The following SPATA16 variants were observed in gnomAD, a reference collection of about 807,000 sequenced individuals.
SPATA16 encodes the protein spermatogenesis-associated protein 16.
In SPATA16, 36 loss-of-function variants were observed where a neutral mutation model predicts 63.3. That is an observed-to-expected ratio of 0.57 (90% CI 0.44 to 0.75). The LOEUF is 0.75. SPATA16 is among the 30% of genes least tolerant of loss of function. The pLI, the probability that SPATA16 is intolerant of heterozygous loss-of-function variation, is 0.00. For missense variants in SPATA16, 646 were observed against 679.3 expected (o/e 0.95, Z 0.54); for synonymous variants, 203 against 216.7 (o/e 0.94, Z 0.56).
intron 6 of SPATA16, among the ~76,000 whole-genome samples, chr3:172,944,147 C>T (rs9290457): frequency 0.43 from 65,682 of 151,864 alleles, 16,625 homozygotes; most frequent in African/African-American, 0.71. Flanking sequence ...CATAAAGAAC[C>T]CCTACAATTC....
intron 2 of SPATA16, among the ~76,000 whole-genome samples, chr3:173,096,686 A>G (rs528002054): frequency 6.6e-6 from 1 of 152,136 alleles, no homozygotes; most frequent in Non-Finnish European, 1.5e-5. Context: ...TATTTATTGA[A>G]TTTCAATATG....
intron 4 of SPATA16, among the ~76,000 whole-genome samples, chr3:172,983,882 C>T (rs565139394): frequency 6.6e-5 from 10 of 152,180 alleles, no homozygotes; most frequent in African/African-American, 2.4e-4. Flanking sequence ...CCTATGGTAG[C>T]CTACAATTCT....
chr3:172,896,882 G>A (rs572867198), intron 10 of SPATA16, among the ~76,000 whole-genome samples: 1 of 151,630 alleles, frequency 6.6e-6, no homozygotes, highest in Non-Finnish European at 1.5e-5. Context: ...TTTCTCTCAT[G>A]CTGAGCTTTT....
intron 5 of SPATA16, among the ~76,000 whole-genome samples, chr3:172,960,887 C>T (rs13077159): frequency 8.0e-3 from 493 of 61,706 alleles, no homozygotes; most frequent in Middle Eastern, 0.014. Context: ...CTTTCTTTCT[C>T]TCTCTCCTTC....
chr3:172,998,377 C>A (rs1464172893), intron 4 of SPATA16, among the ~76,000 whole-genome samples: 1 of 152,032 alleles, frequency 6.6e-6, no homozygotes, highest in East Asian at 1.9e-4. Context: ...GATTGATTTT[C>A]TGTATCATTG....
chr3:173,140,351 TGGGTAATAA>T (rs1329048771), intron 1 of SPATA16, among the ~76,000 whole-genome samples: 2,810 of 152,318 alleles, frequency 0.018, 89 homozygotes, highest in African/African-American at 0.064. Flanking sequence ...TAATATTTTA[TGGGTAATAA>T]ATCCAAAATG....
intron 4 of SPATA16, among the ~76,000 whole-genome samples, chr3:172,995,287 A>G (rs1399749): frequency 5.2e-4 from 79 of 152,146 alleles, no homozygotes; most frequent in Non-Finnish European, 9.4e-4. Context: ...TTCCTATAAC[A>G]ACTTTTGGAG....
intron 4 of SPATA16, among the ~76,000 whole-genome samples, chr3:173,003,873 G>T (rs903380769): frequency 3.3e-5 from 5 of 152,112 alleles, no homozygotes; most frequent in African/African-American, 9.7e-5. Flanking sequence ...TAATCCTTAT[G>T]ATTACTTTGT....
At chr3:173,076,288 CG>C (rs1403629871) in intron 2 of SPATA16, among the ~76,000 whole-genome samples, 4 of 151,974 alleles carry the variant, frequency 2.6e-5, no homozygotes, top group Non-Finnish European at 5.9e-5. Context: ...TAGAAATTGA[CG>C]TTTGTGAATG....
intron 5 of SPATA16, among the ~76,000 whole-genome samples, chr3:172,970,724 G>A (rs985654565): frequency 1.3e-5 from 2 of 152,056 alleles, no homozygotes; most frequent in East Asian, 1.9e-4. Flanking sequence ...ATGTTCAGAT[G>A]GTATTGCTAT....
chr3:172,910,492 T>C (rs1307409229), intron 10 of SPATA16, among the ~76,000 whole-genome samples: 1 of 152,160 alleles, frequency 6.6e-6, no homozygotes, highest in Admixed American at 6.5e-5. Flanking sequence ...TTGACTTAGA[T>C]AATATGTAAA....
intron 2 of SPATA16, among the ~76,000 whole-genome samples, chr3:173,105,675 C>T (rs1737602541): frequency 6.6e-6 from 1 of 152,160 alleles, no homozygotes; most frequent in South Asian, 2.1e-4. Flanking sequence ...TGTGCTGCTC[C>T]AACTGGGCTT....
At chr3:172,942,476 G>A (rs1392107) in intron 6 of SPATA16, among the ~76,000 whole-genome samples, 13,339 of 152,118 alleles carry the variant, frequency 0.088, 1,951 homozygotes, top group African/African-American at 0.3. Flanking sequence ...GGTGAAGAGT[G>A]TAATTACATA....
At chr3:173,029,344 A>G (rs1735541753) in intron 3 of SPATA16, among the ~76,000 whole-genome samples, 1 of 151,904 alleles carries the variant, frequency 6.6e-6, no homozygotes, top group Non-Finnish European at 1.5e-5. Context: ...GGTAGAAGGT[A>G]TGAGCCTCCA....
chr3:172,918,390 C>A (rs1648566036), intron 8 of SPATA16, among the ~76,000 whole-genome samples: 1 of 152,050 alleles, frequency 6.6e-6, no homozygotes, highest in African/African-American at 2.4e-5. Flanking sequence ...ACAGTTTTAG[C>A]CTGATTGTTG....
chr3:172,919,724 C>T (rs1732576825), intron 8 of SPATA16, among the ~76,000 whole-genome samples: 1 of 150,580 alleles, frequency 6.6e-6, no homozygotes, highest in Admixed American at 6.6e-5. Flanking sequence ...GTTGCACAGG[C>T]TGGAGTGCAG....
At chr3:172,902,212 A>AT (rs35838040) in intron 10 of SPATA16, among the ~76,000 whole-genome samples, 15,563 of 151,706 alleles carry the variant, frequency 0.1, 992 homozygotes, top group African/African-American at 0.16. Context: ...TAATTTTTGT[A>AT]TTTTTTTAGT....
intron 2 of SPATA16, among the ~76,000 whole-genome samples, chr3:173,069,704 A>G (rs988161177): frequency 6.6e-6 from 1 of 152,242 alleles, no homozygotes; most frequent in Non-Finnish European, 1.5e-5. Flanking sequence ...ACAGGCCAAT[A>G]TCTCTGATGG....
chr3:172,948,851 T>C (rs1486056403), intron 6 of SPATA16, among the ~76,000 whole-genome samples: 1 of 152,178 alleles, frequency 6.6e-6, no homozygotes, highest in Non-Finnish European at 1.5e-5. Flanking sequence ...AACTAATGCT[T>C]TTTGCAACGT....
Sources: gnomAD v4.1 joint callset for allele counts (sites outside exome capture counted in the v4.1 genomes callset) on GRCh38, gnomAD v4.1.1 for gene constraint, MANE v1.5 for transcripts, NCBI Gene and HGNC (gene_info 2026-07-23, HGNC 2026-07-21) for gene names.